MARCHF1: variants seen among roughly 807,000 people sequenced by gnomAD.
MARCHF1 encodes E3 ubiquitin-protein ligase MARCHF1.
A neutral mutation model predicts 54.2 loss-of-function variants in MARCHF1; 40 were observed. The observed-to-expected ratio is 0.74, with a 90% CI of 0.57 to 0.96. The LOEUF (loss-of-function observed/expected upper bound fraction) is 0.96, where lower values mean the gene tolerates loss of function less well. Among genes scored for constraint, MARCHF1 ranks in the 40% least tolerant of loss-of-function variants. The probability of loss-of-function intolerance (pLI) is 0.00; values close to 1 mark genes in which losing one functional copy is unlikely to be tolerated. For missense variants in MARCHF1, 586 were observed against 656.5 expected (o/e 0.89, Z 1.17); for synonymous variants, 236 against 236.3 (o/e 1.00, Z 0.01).
intron 3 of MARCHF1, among the ~76,000 whole-genome samples, chr4:163,891,912 T>C (rs1750669505): frequency 6.6e-6 from 1 of 152,224 alleles, no homozygotes; most frequent in African/African-American, 2.4e-5. Flanking sequence ...AGATTATGTC[T>C]TGCTGTGCAT....
chr4:163,917,642 G>A (rs528493953), intron 3 of MARCHF1, among the ~76,000 whole-genome samples: 1 of 152,094 alleles, frequency 6.6e-6, no homozygotes, highest in Admixed American at 6.6e-5. Context: ...TTAAGTTCCA[G>A]GGTACATGTG....
chr4:163,961,544 A>C (rs1752346412), intron 3 of MARCHF1, among the ~76,000 whole-genome samples: 1 of 151,930 alleles, frequency 6.6e-6, no homozygotes, highest in Admixed American at 6.6e-5. Context: ...CCATTCATTT[A>C]AACCTTTTCA....
intron 5 of MARCHF1, among the ~76,000 whole-genome samples, chr4:163,634,013 G>A (rs1422569608): frequency 6.6e-6 from 1 of 152,086 alleles, no homozygotes; most frequent in East Asian, 1.9e-4. Context: ...ATAAGTGAAG[G>A]AGTAATAAAA....
intron 4 of MARCHF1, among the ~76,000 whole-genome samples, chr4:163,745,138 A>AGTTTCACT (rs766047717): frequency 8.9e-4 from 129 of 144,368 alleles, no homozygotes; most frequent in Non-Finnish European, 1.4e-3. Flanking sequence ...TTTGAGACAG[A>AGTTTCACT]GTTTCACTCT....
chr4:163,634,282 A>G (rs1019206434), intron 5 of MARCHF1, among the ~76,000 whole-genome samples: 7 of 150,910 alleles, frequency 4.6e-5, no homozygotes, highest in African/African-American at 1.7e-4. Flanking sequence ...AAATGCTCCA[A>G]TTAAAACACA....
At chr4:163,599,160 G>A (rs2110878679) in intron 7 of MARCHF1, among the ~76,000 whole-genome samples, 1 of 152,004 alleles carries the variant, frequency 6.6e-6, no homozygotes, top group African/African-American at 2.4e-5. Context: ...GTGGTGGCGG[G>A]CGCCTGTAAT....
chr4:164,329,705 G>A (rs1472980381), intron 1 of MARCHF1, among the ~76,000 whole-genome samples: 4 of 152,178 alleles, frequency 2.6e-5, no homozygotes, highest in Admixed American at 1.3e-4. Flanking sequence ...GAGCAGGCAC[G>A]TCACACGGCA....
At chr4:164,367,588 G>A (rs1730910612) in intron 1 of MARCHF1, among the ~76,000 whole-genome samples, 1 of 149,268 alleles carries the variant, frequency 6.7e-6, no homozygotes, top group South Asian at 2.1e-4. Flanking sequence ...CCTGAATTTT[G>A]ACACCAATAT....
chr4:164,193,424 C>T (rs930000303), intron 1 of MARCHF1, among the ~76,000 whole-genome samples: 1 of 151,968 alleles, frequency 6.6e-6, no homozygotes, highest in African/African-American at 2.4e-5. Context: ...AATTCCACGG[C>T]CATTGGAATA....
intron 3 of MARCHF1, among the ~76,000 whole-genome samples, chr4:163,873,889 AC>A (rs770582848): frequency 6.6e-6 from 1 of 152,102 alleles, no homozygotes; most frequent in Non-Finnish European, 1.5e-5. Context: ...CTGGAATCGT[AC>A]CCCTAAGAAA....
At chr4:163,717,848 G>T in intron 4 of MARCHF1, among the ~76,000 whole-genome samples, 1 of 152,094 alleles carries the variant, frequency 6.6e-6, no homozygotes, top group East Asian at 1.9e-4. Context: ...GGGGTTGTCT[G>T]TTTTTTTCTT....
rs1183964057 is a variant in MARCHF1 at position 164,354,968 on chromosome 4, C to T, written c.-323+28902G>A. Reference sequence around the variant, plus strand: ...AATCACAAGCATTCTTATACACCAACAACAGACAAACAGAGAGCCAAATCA... The same window carrying T: ...AATCACAAGCATTCTTATACACCAATAACAGACAAACAGAGAGCCAAATCA... On this transcript the variant is annotated intron_variant, in intron 1 of 9. Coordinates refer to ENST00000514618, the MANE Select transcript of MARCHF1 (RefSeq NM_001394959.1). 5.2e-5 allele frequency among the ~76,000 whole-genome samples: 7 copies of T among 133,676 alleles called. No homozygotes were observed. In the South Asian group the frequency reaches 1.5e-3, roughly 28 times the overall value. 87.7% of individuals were successfully genotyped at this position (133,676 alleles called of 152,430 possible). A position where few individuals can be genotyped will look rare whatever the true frequency, so the allele number is the denominator to read the frequency against.
At chr4:163,711,489 G>A (rs1257710011) in intron 4 of MARCHF1, among the ~76,000 whole-genome samples, 1 of 152,126 alleles carries the variant, frequency 6.6e-6, no homozygotes, top group Non-Finnish European at 1.5e-5. Flanking sequence ...ATCTCACCAA[G>A]GCTCCTTTGC....
At chr4:163,722,896 T>C (rs567392135) in intron 4 of MARCHF1, among the ~76,000 whole-genome samples, 46 of 152,318 alleles carry the variant, frequency 3.0e-4, no homozygotes, top group African/African-American at 1.0e-3. Flanking sequence ...CCTCCATCCC[T>C]ATATTTTGAG....
chr4:163,552,375 G>A (rs367546688), intron 8 of MARCHF1, among the ~76,000 whole-genome samples: 6 of 152,168 alleles, frequency 3.9e-5, no homozygotes, highest in African/African-American at 1.4e-4. Flanking sequence ...TGCACGCAGC[G>A]GTTTAGAATC....
chr4:164,293,494 C>A lies in MARCHF1; in HGVS notation c.-323+90376G>T, dbSNP rs142700269. 4.6e-5 allele frequency among the ~76,000 whole-genome samples: 7 copies of A among 152,308 alleles called. No individual in the cohort carries two copies. In the East Asian group the frequency reaches 1.4e-3, roughly 29 times the overall value. ...ATAAAACTTTCGAAAGCTCTCCTGG[C>A]TCGGAGTACAGCCTGATTCATGAAT... is the stretch of plus-strand genomic sequence containing the variant. On this transcript the variant is annotated intron_variant, in intron 1 of 9. Transcript: ENST00000514618.
At chr4:164,142,105 T>A (rs1248097676) in intron 1 of MARCHF1, among the ~76,000 whole-genome samples, 1 of 152,152 alleles carries the variant, frequency 6.6e-6, no homozygotes, top group East Asian at 1.9e-4. Context: ...AATACTGTGC[T>A]TTTCCAACGG....
chr4:163,917,430 A>G (rs1262425473), intron 3 of MARCHF1, among the ~76,000 whole-genome samples: 1 of 152,090 alleles, frequency 6.6e-6, no homozygotes, highest in African/African-American at 2.4e-5. Context: ...ATTTATTGTT[A>G]TCAGTGTTCC....
intron 1 of MARCHF1, among the ~76,000 whole-genome samples, chr4:164,211,474 A>T (rs1195023549): frequency 1.3e-5 from 2 of 151,906 alleles, no homozygotes; most frequent in Non-Finnish European, 1.5e-5. Context: ...AAGAACATCA[A>T]ATGTGGTTTG....
Sources: gnomAD v4.1 joint callset for allele counts (sites outside exome capture counted in the v4.1 genomes callset) on GRCh38, gnomAD v4.1.1 for gene constraint, MANE v1.5 for transcripts, NCBI Gene and HGNC (gene_info 2026-07-23, HGNC 2026-07-21) for gene names.